Variants in IPO11 observed in about 807,000 individuals in gnomAD.
IPO11 encodes the protein importin 11, also known as importin-11.
IPO11 carries 66 observed loss-of-function variants against 143.2 expected under a neutral mutation model. The observed-to-expected ratio is 0.46, with a 90% confidence interval of 0.38 to 0.57. The LOEUF is 0.57. IPO11 is among the 20% of genes least tolerant of loss of function. IPO11 has a pLI of 0.00. For synonymous variants in IPO11, 385 were observed against 377.8 expected (o/e 1.02, Z -0.22); for missense variants, 1,026 against 1,141.0 (o/e 0.90, Z 1.45).
intron 20 of IPO11, among the ~76,000 whole-genome samples, chr5:62,525,368 TTG>T (rs1182823548): frequency 2.0e-4 from 30 of 149,324 alleles, no homozygotes; most frequent in Middle Eastern, 3.4e-3. Flanking sequence ...TTTTTTTTTT[TTG>T]TGTGTGTGTG....
In IPO11 at chr5:62,504,911, A is replaced by T. The variant is rs1433544891; in HGVS notation, c.1665+13A>T. The T allele has an allele frequency of 5.5e-6, 8 of 1,465,728 alleles. No individual in the cohort carries two copies. Among genetic ancestry groups the T allele is most frequent in the Non-Finnish European group, 7.4e-6 (8 of 1,078,824 alleles). The allele number at this position is 1,465,728 out of a possible 1,614,324, so 90.8% of individuals were successfully genotyped here. A position where few individuals can be genotyped will look rare whatever the true frequency, so the allele number is the denominator to read the frequency against. On this transcript the variant is annotated intron_variant, in intron 18 of 29. Coordinates refer to ENST00000325324, the MANE Select transcript of IPO11 (RefSeq NM_016338.5). ...TCAGTTTCTACCGGTAAGAATATAC[A>T]TTTCCAGGTATTTTTTTTAAAAAAC...
rs776718869 is a variant in IPO11, at chr5:62,627,139, C to G, written c.2764-15C>G. The G allele has an allele frequency of 4.3e-6, 7 of 1,609,980 alleles. No homozygotes were observed. The highest frequency in any genetic ancestry group is 3.3e-5 in the South Asian group (3 of 90,454). ...TTGCTTTTTTGACAGTCTTGCTCCT[C>G]TCTGTATCCCACAGCTGGCCCTGAA... On this transcript the variant is annotated splice_polypyrimidine_tract_variant and intron_variant, in intron 29 of 29. Transcript: ENST00000325324.
chr5:62,487,047 T>A (rs946409288), intron 12 of IPO11, among the ~76,000 whole-genome samples: 4 of 152,102 alleles, frequency 2.6e-5, no homozygotes, highest in African/African-American at 7.2e-5. Context: ...TTTTAAAAAA[T>A]TTTTTGTGGG....
intron 24 of IPO11, among the ~76,000 whole-genome samples, chr5:62,547,244 A>G (rs1162835251): frequency 2.0e-5 from 3 of 152,134 alleles, no homozygotes; most frequent in African/African-American, 4.8e-5. Context: ...TGAAACTCAT[A>G]TGTGTATATG....
intron 24 of IPO11, among the ~76,000 whole-genome samples, chr5:62,546,359 A>G (rs1038673011): frequency 2.6e-5 from 4 of 152,206 alleles, no homozygotes; most frequent in Non-Finnish European, 5.9e-5. Context: ...TAGAACACCA[A>G]ACACCACATG....
chr5:62,418,773 A>T (rs1270953433), intron 1 of IPO11: 1 of 358,666 alleles, frequency 2.8e-6, no homozygotes, highest in East Asian at 4.5e-5. Context: ...TTCACTAAAG[A>T]TGTTCACGTA....
chr5:62,577,033 G>A (rs1744338877), intron 27 of IPO11, among the ~76,000 whole-genome samples: 1 of 152,216 alleles, frequency 6.6e-6, no homozygotes, highest in Non-Finnish European at 1.5e-5. Context: ...ACTAATTTAA[G>A]AGGTTGAGCG....
intron 20 of IPO11, among the ~76,000 whole-genome samples, chr5:62,520,215 G>A (rs1020979919): frequency 6.6e-6 from 1 of 152,152 alleles, no homozygotes. Context: ...ACTAGGGAAT[G>A]GTGTGTGTAC....
chr5:62,526,530 CA>C (rs2112306077), intron 21 of IPO11: 1 of 255,012 alleles, frequency 3.9e-6, no homozygotes, highest in Non-Finnish European at 7.5e-6. Flanking sequence ...GTAACTTTTC[CA>C]AAAAGTTACT....
chr5:62,536,647 A>C, intron 22 of IPO11, 55 bp from the exon 23 acceptor site: 1 of 1,545,290 alleles, frequency 6.5e-7, no homozygotes, highest in Non-Finnish European at 8.7e-7. Flanking sequence ...CATTTAAACT[A>C]ATTTTGAGCA....
chr5:62,435,033 A>ATATATATGTATATGTGTGT (rs1305122437), intron 1 of IPO11, among the ~76,000 whole-genome samples: 6 of 144,978 alleles, frequency 4.1e-5, no homozygotes, highest in African/African-American at 1.3e-4. Context: ...TCAAAAAAAA[A>ATATATATGTATATGTGTGT]ATATATATGT....
intron 27 of IPO11, among the ~76,000 whole-genome samples, chr5:62,578,339 C>A (rs1285987801): frequency 6.6e-6 from 1 of 151,832 alleles, no homozygotes; most frequent in African/African-American, 2.4e-5. Flanking sequence ...AAATTTTTTC[C>A]CCTATTTTTA....
chr5:62,548,495 A>G (rs1743286140), intron 24 of IPO11, among the ~76,000 whole-genome samples: 2 of 152,108 alleles, frequency 1.3e-5, no homozygotes, highest in South Asian at 4.1e-4. Context: ...ATGGGCTCTT[A>G]TAGTCTGGAA....
intron 27 of IPO11, chr5:62,580,351 C>G: frequency 1.3e-6 from 2 of 1,544,104 alleles, no homozygotes; most frequent in South Asian, 1.2e-5. Context: ...TTTAATTTAC[C>G]TTAAGTTAGA....
At chr5:62,482,609 G>A (rs948860264) in intron 9 of IPO11, among the ~76,000 whole-genome samples, 4 of 152,088 alleles carry the variant, frequency 2.6e-5, no homozygotes, top group Non-Finnish European at 5.9e-5. Flanking sequence ...TCCATTATTT[G>A]ATCAGGAGTT....
chr5:62,482,502 G>T (rs908174910), intron 9 of IPO11, among the ~76,000 whole-genome samples: 2 of 152,078 alleles, frequency 1.3e-5, no homozygotes, highest in African/African-American at 4.8e-5. Context: ...GTTCTCATTG[G>T]TTTCTTTTTC....
chr5:62,507,730 A>G (rs1741600797), intron 19 of IPO11, among the ~76,000 whole-genome samples: 2 of 152,200 alleles, frequency 1.3e-5, no homozygotes, highest in Admixed American at 1.3e-4. Flanking sequence ...TTTTTTTTAA[A>G]TAGAAATGGG....
rs770191678 is a variant in IPO11 at position 62,437,315 on chromosome 5, G to T, written c.36G>T (p.Gln12His). The part of the protein sequence containing the change: ...DLNSASTVVL[Q>H]VLTQATSQDT... ...ATAGTGCCAGCACTGTTGTTCTTCA[G>T]GTGTTAACACAGGCCACCAGTCAGG... The change falls in exon 2 of 30, where the codon CAG becomes CAT. Residue 12 changes from glutamine (Q) to histidine (H), a missense_variant. Coordinates refer to ENST00000325324, the MANE Select transcript of IPO11 (RefSeq NM_016338.5). 6.2e-7 allele frequency: 1 copy of T among 1,611,274 alleles called. No individual in the cohort carries two copies. Among genetic ancestry groups the T allele is most frequent in the Admixed American group, 1.7e-5 (1 of 59,714 alleles).
chr5:62,475,258 C>T (rs962188556), intron 8 of IPO11, among the ~76,000 whole-genome samples: 8 of 152,008 alleles, frequency 5.3e-5, no homozygotes, highest in South Asian at 2.1e-4. Context: ...GGTGACTCAA[C>T]GCCTGTAACC....
Sources: gnomAD v4.1 joint callset for allele counts (sites outside exome capture counted in the v4.1 genomes callset) on GRCh38, gnomAD v4.1.1 for gene constraint, MANE v1.5 for transcripts, NCBI Gene and HGNC (gene_info 2026-07-23, HGNC 2026-07-21) for gene names.